SMAD7: variants seen among roughly 807,000 people sequenced by gnomAD.
SMAD7 encodes SMAD family member 7, also known as MAD (mothers against decapentaplegic, Drosophila) homolog 7.
In SMAD7, 8 loss-of-function variants were observed where a neutral mutation model predicts 38.7. The observed-to-expected ratio is 0.21, with a 90% CI of 0.12 to 0.37. The LOEUF is 0.37. SMAD7 is among the 10% of genes least tolerant of loss of function. The pLI, the probability that SMAD7 is intolerant of heterozygous loss-of-function variation, is 1.00. For synonymous variants in SMAD7, 327 were observed against 265.1 expected, an observed-to-expected ratio of 1.23 and a Z score of -2.27; for missense variants, 477 against 577.9, an observed-to-expected ratio of 0.83 and a Z score of 1.79.
intron 3 of SMAD7, among the ~76,000 whole-genome samples, chr18:48,929,531 TCTCA>T (rs2069967084): frequency 1.3e-5 from 2 of 150,738 alleles, no homozygotes; most frequent in African/African-American, 4.9e-5. Flanking sequence ...TCTCTCTCTC[TCTCA>T]ATCTCTTTCT....
intron 3 of SMAD7, among the ~76,000 whole-genome samples, chr18:48,926,595 C>T (rs569700235): frequency 4.6e-5 from 7 of 152,362 alleles, no homozygotes; most frequent in South Asian, 2.1e-4. Flanking sequence ...TGGGCAGGCA[C>T]GGCCGCCTCC....
intron 3 of SMAD7, among the ~76,000 whole-genome samples, chr18:48,927,449 C>T (rs2069942427): frequency 6.6e-6 from 1 of 152,192 alleles, no homozygotes; most frequent in Admixed American, 6.5e-5. Context: ...TTCGTTTCCA[C>T]CCCTTAGCGC....
chr18:48,939,114 G>A (rs534866366), intron 3 of SMAD7, among the ~76,000 whole-genome samples: 14 of 152,126 alleles, frequency 9.2e-5, no homozygotes, highest in Non-Finnish European at 1.3e-4. Flanking sequence ...GTTTGCGCAC[G>A]GGATTGTCTA....
intron 3 of SMAD7, among the ~76,000 whole-genome samples, chr18:48,936,805 C>T (rs1260634878): frequency 6.6e-6 from 1 of 152,282 alleles, no homozygotes; most frequent in East Asian, 1.9e-4. Flanking sequence ...AGAGGCCGGG[C>T]GCAGTGGCTC....
At position 48,947,891 on chromosome 18, in the gene SMAD7, T is replaced by TC. The variant is rs1491319973; in HGVS notation, c.667+492_667+493insG. ...GCAGGTGACTGGAGCAGGAGGAACC[T>TC]ACCCCCCCCCCCCTTTTACTGGCTG... On this transcript the variant is annotated intron_variant, in intron 2 of 3. Coordinates refer to ENST00000262158, the MANE Select transcript of SMAD7 (RefSeq NM_005904.4). Among the ~76,000 whole-genome samples, 662 of 90,410 alleles carry TC rather than the reference T, an allele frequency of 7.3e-3. 10 individuals carry two copies. The highest frequency in any genetic ancestry group is 0.024 in the East Asian group (94 of 3,954). 59.3% of individuals were successfully genotyped at this position (90,410 alleles called of 152,430 possible).
At chr18:48,922,667 AC>A (rs1282052385) in intron 3 of SMAD7, among the ~76,000 whole-genome samples, 1 of 152,152 alleles carries the variant, frequency 6.6e-6, no homozygotes, top group Non-Finnish European at 1.5e-5. Context: ...AACCCGGGCT[AC>A]CTTAACAAAG....
In SMAD7 at chr18:48,950,475, A is replaced by G. The variant is rs1458626610; in HGVS notation, c.-51T>C. On this transcript the variant is annotated 5_prime_UTR_variant, in exon 1 of 4. The change abolishes an upstream ATG in the 5' untranslated region. Coordinates refer to ENST00000262158, the MANE Select transcript of SMAD7 (RefSeq NM_005904.4). Reference sequence around the variant, plus strand: ...GTCGTTTGCCTGCTAAGGAGCGAACATGACCTCCGCACACCATGAAGAAGT... The same window carrying G: ...GTCGTTTGCCTGCTAAGGAGCGAACGTGACCTCCGCACACCATGAAGAAGT... The G allele has an allele frequency of 6.6e-7, 1 of 1,509,086 alleles. No homozygotes were observed. The highest frequency in any genetic ancestry group is 2.8e-5 in the East Asian group (1 of 36,162). The allele number at this position is 1,509,086 out of a possible 1,614,324, so 93.5% of individuals were successfully genotyped here.
intron 2 of SMAD7, among the ~76,000 whole-genome samples, chr18:48,947,898 C>CT (rs796272334): frequency 6.7e-6 from 1 of 149,550 alleles, no homozygotes; most frequent in African/African-American, 2.5e-5. Flanking sequence ...ACCTACCCCC[C>CT]CCCCCCTTTT....
chr18:48,935,971 A>T lies in SMAD7; in HGVS notation c.742+6510T>A, dbSNP rs191298279. Among the ~76,000 whole-genome samples, 9 of 152,156 alleles carry T rather than the reference A, an allele frequency of 5.9e-5. No individual in the cohort carries two copies. In the East Asian group the frequency reaches 1.5e-3, roughly 26 times the overall value. On this transcript the variant is annotated intron_variant, in intron 3 of 3. Transcript: ENST00000262158. The stretch of plus-strand genomic sequence containing the variant: ...ACGCCTGTAATCCCAGCTGCTAGGG[A>T]TACTGACGCATGAGAATGGCTTGAA...
chr18:48,948,346 T>G (rs1452862196), intron 2 of SMAD7, 38 bp downstream of exon 2: 1 of 1,468,948 alleles, frequency 6.8e-7, no homozygotes, highest in African/African-American at 1.4e-5. Context: ...TATTTCTAAC[T>G]TAAGATAAGC....
At chr18:48,944,811 A>C (rs2143814251) in intron 2 of SMAD7, among the ~76,000 whole-genome samples, 1 of 152,314 alleles carries the variant, frequency 6.6e-6, no homozygotes, top group Middle Eastern at 3.4e-3. Context: ...CCCAGAGCCC[A>C]GGCTGGCTGG....
At chr18:48,948,268 A>G in intron 2 of SMAD7, 116 bp downstream of exon 2, 1 of 631,754 alleles carries the variant, frequency 1.6e-6, no homozygotes, top group Non-Finnish European at 2.7e-6. Context: ...GGAAACCTAG[A>G]ACCAACGTGA....
chr18:48,937,529 A>T (rs1025378356), intron 3 of SMAD7, among the ~76,000 whole-genome samples: 4 of 152,138 alleles, frequency 2.6e-5, no homozygotes, highest in Admixed American at 6.5e-5. Context: ...GGACTGCCTC[A>T]TTCTTTCCAG....
intron 3 of SMAD7, 123 bp from the exon 4 acceptor site, chr18:48,922,033 G>A: frequency 1.3e-6 from 1 of 772,008 alleles, no homozygotes; most frequent in Non-Finnish European, 2.0e-6. Flanking sequence ...ACAGAAAGAA[G>A]GAGGCGGTGA....
chr18:48,927,697 G>C (rs1209747056), intron 3 of SMAD7, among the ~76,000 whole-genome samples: 1 of 152,218 alleles, frequency 6.6e-6, no homozygotes, highest in Non-Finnish European at 1.5e-5. Context: ...TCATCTCTGA[G>C]GCTCCTGGGT....
intron 1 of SMAD7, 59 bp from the exon 2 acceptor site, chr18:48,948,496 T>C: frequency 9.8e-6 from 11 of 1,123,288 alleles, no homozygotes; most frequent in Non-Finnish European, 1.2e-5. Flanking sequence ...AGATAGAAAC[T>C]TATGATAACA....
Position 48,950,012 on chromosome 18 carries a change from G to C in SMAD7, c.413C>G (p.Pro138Arg). Residue 138 changes from proline (P) to arginine (R), a missense_variant, in exon 1 of 4, where the codon CCG becomes CGG. Coordinates refer to ENST00000262158, the MANE Select transcript of SMAD7 (RefSeq NM_005904.4). ...AGGCTGCGCGCCGGCGGGCGCCCCC[G>C]GGCCCAGCCTGCAGTCCAGGCGGCC... ...LPGRLDCRLG[P>R]GAPAGAQPAQ... is the part of the protein sequence containing the mutation. 6.4e-7 allele frequency: 1 copy of C among 1,569,950 alleles called. No homozygotes were observed. The highest frequency in any genetic ancestry group is 8.6e-7 in the Non-Finnish European group (1 of 1,160,154).
chr18:48,936,119 A>C (rs2070063319), intron 3 of SMAD7, among the ~76,000 whole-genome samples: 2 of 84,158 alleles, frequency 2.4e-5, no homozygotes, highest in African/African-American at 5.3e-5. Flanking sequence ...CACACACACC[A>C]CACACACACA....
chr18:48,922,867 A>T (rs561056193), intron 3 of SMAD7, among the ~76,000 whole-genome samples: 1 of 151,792 alleles, frequency 6.6e-6, no homozygotes, highest in Non-Finnish European at 1.5e-5. Flanking sequence ...GCTTCCCTAC[A>T]CAGTCTTCCC....
Sources: gnomAD v4.1 joint callset for allele counts (sites outside exome capture counted in the v4.1 genomes callset) on GRCh38, gnomAD v4.1.1 for gene constraint, MANE v1.5 for transcripts, NCBI Gene and HGNC (gene_info 2026-07-23, HGNC 2026-07-21) for gene names.